ABI1: variants seen among roughly 807,000 people sequenced by gnomAD.
The protein encoded by ABI1 is abl interactor 1, also known as Abelson interactor 1.
ABI1 carries 14 observed loss-of-function variants against 54.6 expected under a neutral mutation model. The ratio of observed to expected loss-of-function variants is 0.26; its 90% confidence interval spans 0.17 to 0.40. The LOEUF (loss-of-function observed/expected upper bound fraction) is 0.40, where lower values mean the gene tolerates loss of function less well. Among genes scored for constraint, ABI1 ranks in the 10% least tolerant of loss-of-function variants. The pLI, the probability that ABI1 is intolerant of heterozygous loss-of-function variation, is 1.00. For missense variants in ABI1, 443 were observed against 598.3 expected (o/e 0.74, Z 2.71); for synonymous variants, 194 against 209.3 (o/e 0.93, Z 0.63).
At chr10:26,750,662 C>CCACT (rs149158685) in intron 10 of ABI1, among the ~76,000 whole-genome samples, 1 of 151,898 alleles carries the variant, frequency 6.6e-6, no homozygotes, top group Non-Finnish European at 1.5e-5. Context: ...CAAAAGTGTT[C>CCACT]AACTAAATCA....
At chr10:26,808,404 T>C (rs1564525261) in intron 2 of ABI1, among the ~76,000 whole-genome samples, 1 of 152,140 alleles carries the variant, frequency 6.6e-6, no homozygotes, top group Non-Finnish European at 1.5e-5. Context: ...GTTTCATTCT[T>C]TGTTCACTCA....
chr10:26,803,675 T>A (rs1483244478), intron 2 of ABI1, among the ~76,000 whole-genome samples: 3 of 152,232 alleles, frequency 2.0e-5, no homozygotes, highest in African/African-American at 7.2e-5. Flanking sequence ...CACTAGAGTG[T>A]ATCCATTCTG....
chr10:26,755,284 T>C (rs1483386560), intron 9 of ABI1, among the ~76,000 whole-genome samples: 1 of 152,182 alleles, frequency 6.6e-6, no homozygotes, highest in Non-Finnish European at 1.5e-5. Flanking sequence ...TCTACCTATC[T>C]CTTGATAAAT....
At position 26,825,525 on chromosome 10, in the gene ABI1, G is replaced by C. The variant is rs539627480; in HGVS notation, c.118-2220C>G. On this transcript the variant is annotated intron_variant, in intron 1 of 10. Coordinates refer to ENST00000376140, the MANE Select transcript of ABI1 (RefSeq NM_001012750.3). ...AAAATACAAAAAATAGCTTGGCATG[G>C]TGGTATGTGCCTGTAATCCCAGCTA... 2.0e-5 allele frequency among the ~76,000 whole-genome samples: 3 copies of C among 152,176 alleles called. No individual in the cohort carries two copies. The South Asian group carries it at 6.2e-4, about 32-fold the overall frequency.
chr10:26,824,901 T>C (rs2048212374), intron 1 of ABI1, among the ~76,000 whole-genome samples: 1 of 152,248 alleles, frequency 6.6e-6, no homozygotes, highest in South Asian at 2.1e-4. Flanking sequence ...TATTATGCTG[T>C]AGTCTATTAA....
chr10:26,796,374 A>G (rs1844169767), intron 2 of ABI1, among the ~76,000 whole-genome samples: 1 of 152,178 alleles, frequency 6.6e-6, no homozygotes, highest in South Asian at 2.1e-4. Flanking sequence ...TTTTTATTGT[A>G]CCTTTTCTAT....
chr10:26,805,225 T>C (rs142498163), intron 2 of ABI1, among the ~76,000 whole-genome samples: 99 of 152,250 alleles, frequency 6.5e-4, no homozygotes, highest in East Asian at 3.5e-3. Context: ...ATCTGAACTA[T>C]AGGAAGTAAA....
At chr10:26,763,877 C>T in intron 7 of ABI1, 1 of 1,611,096 alleles carries the variant, frequency 6.2e-7, no homozygotes, top group Non-Finnish European at 8.5e-7. Flanking sequence ...TATGCAATCT[C>T]ACCTATCACA....
intron 2 of ABI1, among the ~76,000 whole-genome samples, chr10:26,795,521 T>C (rs74670646): frequency 0.016 from 2,360 of 152,050 alleles, 52 homozygotes; most frequent in African/African-American, 0.054. Context: ...ACAGAAAAGA[T>C]AAAAACACTG....
At chr10:26,774,723 T>G (rs1841163882) in intron 3 of ABI1, among the ~76,000 whole-genome samples, 1 of 151,962 alleles carries the variant, frequency 6.6e-6, no homozygotes, top group Admixed American at 6.6e-5. Context: ...ACACTAAAAT[T>G]TACATCACAA....
intron 2 of ABI1, chr10:26,789,114 C>T (rs1206046232): frequency 6.6e-6 from 1 of 152,064 alleles, no homozygotes; most frequent in Non-Finnish European, 1.5e-5. Flanking sequence ...TGGAGCCATG[C>T]AGCTTCCCGT....
chr10:26,802,263 A>C (rs1227032840), intron 2 of ABI1, among the ~76,000 whole-genome samples: 1 of 152,240 alleles, frequency 6.6e-6, no homozygotes, highest in Non-Finnish European at 1.5e-5. Context: ...AAAGTAATTT[A>C]GGATTTTTTC....
chr10:26,804,472 G>A (rs954537538), intron 2 of ABI1, among the ~76,000 whole-genome samples: 8 of 152,056 alleles, frequency 5.3e-5, no homozygotes, highest in Non-Finnish European at 1.0e-4. Flanking sequence ...GAACTTGGTT[G>A]TAAACTGACA....
intron 2 of ABI1, among the ~76,000 whole-genome samples, chr10:26,819,370 C>G (rs759790500): frequency 2.6e-5 from 4 of 152,168 alleles, no homozygotes; most frequent in Non-Finnish European, 4.4e-5. Context: ...GTCTATTCAT[C>G]AAGTGGACCT....
In ABI1 at chr10:26,747,289, C is replaced by G. The variant is rs1837056146; in HGVS notation, c.*1281G>C. The G allele has an allele frequency of 4.4e-6, 1 of 225,706 alleles. No individual in the cohort carries two copies. Among genetic ancestry groups the G allele is most frequent in the African/African-American group, 2.2e-5 (1 of 44,932 alleles). 14.0% of individuals were successfully genotyped at this position (225,706 alleles called of 1,614,324 possible). A position where few individuals can be genotyped will look rare whatever the true frequency, so the allele number is the denominator to read the frequency against. ...ACACAAGACAAGAAGAGAAAACATC[C>G]CTCAGCCCTCCCTTCAATTAAGAGG... On this transcript the variant is annotated 3_prime_UTR_variant, in exon 11 of 11. Transcript: ENST00000376140.
Position 26,860,441 on chromosome 10 carries a change from C to G in ABI1, c.117+306G>C, listed in dbSNP as rs2051213376. On this transcript the variant is annotated intron_variant, in intron 1 of 10. Coordinates refer to ENST00000376140, the MANE Select transcript of ABI1 (RefSeq NM_001012750.3). This position sits in a 1 kb window ranked among gnomAD's most constrained non-coding sequence, Gnocchi z 4.1. ...GGCGCGCGACCCCGGTGGCCGGGCC[C>G]TGGGGGAAGCGGACGCGAGGGGGGC... Among the ~76,000 whole-genome samples the G allele has an allele frequency of 6.6e-6, 1 of 152,198 alleles. No individual in the cohort carries two copies. The highest frequency in any genetic ancestry group is 1.5e-5 in the Non-Finnish European group (1 of 68,032).
intron 1 of ABI1, chr10:26,839,851 A>G (rs1426479399): frequency 2.9e-6 from 2 of 689,354 alleles, no homozygotes; most frequent in Non-Finnish European, 5.3e-6. Flanking sequence ...GATGGCAAAA[A>G]TGGTAGCACG....
At chr10:26,768,193 A>T (rs1014778930) in intron 6 of ABI1, among the ~76,000 whole-genome samples, 1 of 152,094 alleles carries the variant, frequency 6.6e-6, no homozygotes, top group African/African-American at 2.4e-5. Flanking sequence ...ATGATATTTA[A>T]TCTTTTCTCC....
intron 2 of ABI1, among the ~76,000 whole-genome samples, chr10:26,802,415 G>A (rs1358508389): frequency 5.3e-5 from 8 of 152,182 alleles, no homozygotes; most frequent in Middle Eastern, 3.4e-3. Context: ...GAATTTCACC[G>A]ACTGAGGCTC....
Sources: gnomAD v4.1 joint callset for allele counts (sites outside exome capture counted in the v4.1 genomes callset) on GRCh38, gnomAD v4.1.1 for gene constraint, Gnocchi (gnomAD v3.1) non-coding constraint, MANE v1.5 for transcripts, NCBI Gene and HGNC (gene_info 2026-07-23, HGNC 2026-07-21) for gene names.